Variants in FRMPD4 observed in about 807,000 individuals in gnomAD.
FRMPD4 encodes the protein FERM and PDZ domain-containing protein 4.
Under a neutral mutation model 94.1 loss-of-function variants are expected in FRMPD4, and 22 were observed. The ratio of observed to expected loss-of-function variants is 0.23; its 90% CI spans 0.17 to 0.33. The LOEUF (loss-of-function observed/expected upper bound fraction) is 0.33. FRMPD4 is among the 10% of genes least tolerant of loss of function. The pLI is 1.00. For synonymous variants in FRMPD4, 631 were observed against 548.6 expected (o/e 1.15, Z -2.10); for missense variants, 1,111 against 1,339.9 (o/e 0.83, Z 2.67).
chrX:12,009,099 ACTGT>A (rs2054568555), intron 3 of FRMPD4, among the ~76,000 whole-genome samples: 1 of 111,857 alleles, frequency 8.9e-6, no homozygotes, highest in East Asian at 2.8e-4. Context: ...AAATAAGTAG[ACTGT>A]CTGTAACTGT....
At chrX:12,514,772 G>A (rs1273146139) in intron 2 of FRMPD4, among the ~76,000 whole-genome samples, 4 of 112,109 alleles carry the variant, frequency 3.6e-5, no homozygotes, top group African/African-American at 9.7e-5. Flanking sequence ...GTTTGCATTA[G>A]TTTCAGAAGA....
intron 1 of FRMPD4, among the ~76,000 whole-genome samples, chrX:12,402,126 G>T (rs2056615623): frequency 9.0e-6 from 1 of 111,376 alleles, no homozygotes; most frequent in Non-Finnish European, 1.9e-5. Context: ...TGAGGAGAAG[G>T]AGGAAGAGAC....
intron 1 of FRMPD4, among the ~76,000 whole-genome samples, chrX:12,207,746 G>A (rs905517953): frequency 2.7e-5 from 3 of 109,519 alleles, no homozygotes; most frequent in African/African-American, 6.6e-5. Context: ...TCTGGAAATC[G>A]GGAGGGGGAA....
At chrX:12,252,741 A>T (rs2054060137) in intron 1 of FRMPD4, among the ~76,000 whole-genome samples, 1 of 111,833 alleles carries the variant, frequency 8.9e-6, no homozygotes, top group Non-Finnish European at 1.9e-5. Context: ...GAGGAAAAAA[A>T]CTCAGGTGTG....
In FRMPD4 at chrX:12,244,951, G is replaced by A. The variant is rs753892057; in HGVS notation, c.41+105939G>A. 5.3e-5 allele frequency among the ~76,000 whole-genome samples: 6 copies of A among 112,790 alleles called. No homozygotes were observed. The South Asian group carries it at 1.5e-3, about 28-fold the overall frequency. The stretch of plus-strand genomic sequence containing the variant: ...TGAGGCAGTCTCCTTCTGCCACACC[G>A]TGGTGGCACTGTGAGGGGCGTAAAG... On this transcript the variant is annotated intron_variant, in intron 1 of 16. Transcript: ENST00000675598.
At chrX:12,719,302 T>A (rs903442141) in intron 16 of FRMPD4, among the ~76,000 whole-genome samples, 2 of 112,775 alleles carry the variant, frequency 1.8e-5, no homozygotes, top group Non-Finnish European at 1.9e-5. Flanking sequence ...TATATGGATG[T>A]TCTGAAGTGT....
chrX:12,168,872 G>T (rs748870404), intron 1 of FRMPD4, among the ~76,000 whole-genome samples: 1 of 111,293 alleles, frequency 9.0e-6, no homozygotes, highest in Admixed American at 9.5e-5. Flanking sequence ...TGATCTGCCC[G>T]CCTCGGCCTC....
chrX:12,083,844 G>A (rs972041120), intron 3 of FRMPD4, among the ~76,000 whole-genome samples: 20 of 112,013 alleles, frequency 1.8e-4, no homozygotes, highest in African/African-American at 5.5e-4. Context: ...TTGTTTTGGC[G>A]AATTTCTCCC....
At chrX:12,534,283 G>T (rs1357979504) in intron 2 of FRMPD4, among the ~76,000 whole-genome samples, 3 of 112,925 alleles carry the variant, frequency 2.7e-5, no homozygotes, top group African/African-American at 9.6e-5. Context: ...GAAGCACCTG[G>T]ATGCCCAGGC....
At chrX:12,610,160 G>C (rs2059167578) in intron 3 of FRMPD4, among the ~76,000 whole-genome samples, 1 of 112,066 alleles carries the variant, frequency 8.9e-6, no homozygotes, top group South Asian at 3.7e-4. Context: ...GACAAGAAGA[G>C]GCAGGCCCTG....
At chrX:12,359,879 G>A (rs1569245316) in intron 1 of FRMPD4, among the ~76,000 whole-genome samples, 1 of 111,606 alleles carries the variant, frequency 9.0e-6, no homozygotes, top group Non-Finnish European at 1.9e-5. Flanking sequence ...GGAGGACAAG[G>A]TTGGGGACCC....
intron 1 of FRMPD4, among the ~76,000 whole-genome samples, chrX:12,459,338 A>G (rs925161507): frequency 9.0e-6 from 1 of 111,044 alleles, no homozygotes; most frequent in Non-Finnish European, 1.9e-5. Context: ...ATTTATATAC[A>G]AGAAAATTTG....
At chrX:12,430,599 A>C (rs1207871588) in intron 1 of FRMPD4, among the ~76,000 whole-genome samples, 1 of 111,977 alleles carries the variant, frequency 8.9e-6, no homozygotes, top group Non-Finnish European at 1.9e-5. Context: ...GTTCATCTTA[A>C]CGCCTGGTTT....
At chrX:12,106,597 G>C (rs1194298583) in intron 3 of FRMPD4, among the ~76,000 whole-genome samples, 1 of 111,567 alleles carries the variant, frequency 9.0e-6, no homozygotes, top group Non-Finnish European at 1.9e-5. Context: ...GCTTAAGCAG[G>C]ATGAGGCATC....
rs1359096934 is a variant in FRMPD4, at chrX:12,160,063, TGAG to T, written c.41+21053_41+21055del. On this transcript the variant is annotated intron_variant, in intron 1 of 16. Coordinates refer to ENST00000675598, the MANE Select transcript of FRMPD4 (RefSeq NM_001368397.1). Reference sequence around the variant, plus strand: ...TGTGAACTGAGGTAGCTGTAGATGTTGAGGGGTGTGTGTGTGTGTGTGTGTGTG... The same window carrying T: ...TGTGAACTGAGGTAGCTGTAGATGTTGGGTGTGTGTGTGTGTGTGTGTGTG... 1.1e-4 allele frequency among the ~76,000 whole-genome samples: 9 copies of T among 79,301 alleles called. No individual in the cohort carries two copies. In the East Asian group the frequency reaches 2.8e-3, roughly 25 times the overall value. 68.9% of individuals were successfully genotyped at this position (79,301 alleles called of 115,157 possible). A position where few individuals can be genotyped will look rare whatever the true frequency, so the allele number is the denominator to read the frequency against.
At chrX:12,398,061 G>T (rs1427111885) in intron 1 of FRMPD4, among the ~76,000 whole-genome samples, 1 of 111,056 alleles carries the variant, frequency 9.0e-6, no homozygotes, top group Non-Finnish European at 1.9e-5. Flanking sequence ...AGGTAACCTT[G>T]GGGAGCACAC....
At chrX:11,838,797 T>G (rs757290214) in intron 1 of FRMPD4, among the ~76,000 whole-genome samples, 1 of 112,161 alleles carries the variant, frequency 8.9e-6, no homozygotes, top group Non-Finnish European at 1.9e-5. Flanking sequence ...GGTTCATCCA[T>G]CTTGTAGCAT....
chrX:12,295,478 A>G (rs1272606243), intron 1 of FRMPD4, among the ~76,000 whole-genome samples: 1 of 112,424 alleles, frequency 8.9e-6, no homozygotes, highest in African/African-American at 3.2e-5. Flanking sequence ...TGTGAAGACC[A>G]AATGACATAA....
intron 3 of FRMPD4, among the ~76,000 whole-genome samples, chrX:11,906,417 G>A (rs1195582692): frequency 9.0e-6 from 1 of 111,034 alleles, no homozygotes; most frequent in African/African-American, 3.3e-5. Flanking sequence ...AAAGTGCTAG[G>A]ATTACAGGCG....
Sources: allele counts gnomAD v4.1 joint callset (sites outside exome capture counted in the v4.1 genomes callset), GRCh38; gene constraint gnomAD v4.1.1; transcripts MANE v1.5; gene names NCBI Gene and HGNC (gene_info 2026-07-23, HGNC 2026-07-21).